The following CFAP57 variants were observed in gnomAD, a reference collection of about 807,000 sequenced individuals.
CFAP57 encodes the protein cilia and flagella associated protein 57, also known as cilia- and flagella-associated protein 57.
In CFAP57, 116 loss-of-function variants were observed where a neutral mutation model predicts 146.8. The observed-to-expected ratio is 0.79, with a 90% CI of 0.68 to 0.92. The LOEUF (loss-of-function observed/expected upper bound fraction) is 0.92, where lower values mean the gene tolerates loss of function less well. CFAP57 is among the 40% of genes least tolerant of loss of function. CFAP57 has a pLI of 0.00. For missense variants in CFAP57, 1,377 were observed against 1,527.2 expected (o/e 0.90, Z 1.64); for synonymous variants, 518 against 552.8 (o/e 0.94, Z 0.88).
chr1:43,199,371 T>C lies in CFAP57; in HGVS notation c.1429-19T>C. On this transcript the variant is annotated intron_variant, in intron 8 of 22. Coordinates refer to ENST00000372492, the MANE Select transcript of CFAP57 (RefSeq NM_001378189.1). Reference sequence around the variant, plus strand: ...GCTCACTTCCTGCTTGCTTGCTCTCTTGCTGTCTTTCCCTATAGTGTTCCT... The same window carrying C: ...GCTCACTTCCTGCTTGCTTGCTCTCCTGCTGTCTTTCCCTATAGTGTTCCT... The C allele has an allele frequency of 6.2e-7, 1 of 1,612,188 alleles. No individual in the cohort carries two copies. The highest frequency in any genetic ancestry group is 1.1e-5 in the South Asian group (1 of 91,038).
rs368812744 is a variant in CFAP57, at chr1:43,172,629, G to A, written c.-19-106G>A. 6.7e-6 allele frequency: 6 copies of A among 895,750 alleles called. No homozygotes were observed. The African/African-American group carries it at 1.1e-4, about 16-fold the overall frequency. 55.5% of individuals were successfully genotyped at this position (895,750 alleles called of 1,614,324 possible). ...AGGGACAAGGGGAGGAGAAAGGGGA[G>A]AGACAAGGGGAGGAGCAAAGGGCGG... On this transcript the variant is annotated intron_variant, in intron 1 of 22. Coordinates refer to ENST00000372492, the MANE Select transcript of CFAP57 (RefSeq NM_001378189.1).
At chr1:43,212,296 C>T (rs1644650345) in intron 11 of CFAP57, among the ~76,000 whole-genome samples, 1 of 152,200 alleles carries the variant, frequency 6.6e-6, no homozygotes, top group African/African-American at 2.4e-5. Flanking sequence ...CCACTCCTCC[C>T]GACTATCATC....
rs78760070 is a variant in CFAP57 at position 43,222,052 on chromosome 1, C to A, written c.2342-53C>A. 1.3e-3 allele frequency: 1,897 copies of A among 1,471,412 alleles called. 24 individuals are homozygous for A. In the African/African-American group the frequency reaches 0.024, roughly 19 times the overall value. 91.1% of individuals were successfully genotyped at this position (1,471,412 alleles called of 1,614,324 possible). On this transcript the variant is annotated intron_variant, in intron 14 of 22. Coordinates refer to ENST00000372492, the MANE Select transcript of CFAP57 (RefSeq NM_001378189.1). ...AGAGCGCCCAAGGCTCCTGGGTGTC[C>A]CTGAAGCAAGTGCTGCTCTCCCACC...
chr1:43,222,678 T>C, intron 15 of CFAP57, 146 bp from the exon 16 acceptor site: 1 of 916,916 alleles, frequency 1.1e-6, no homozygotes, highest in Non-Finnish European at 1.6e-6. Context: ...TCAAGGGCCC[T>C]GTGGCCATGG....
intron 22 of CFAP57, among the ~76,000 whole-genome samples, chr1:43,245,244 T>G (rs1245759234): frequency 6.6e-6 from 1 of 151,276 alleles, no homozygotes; most frequent in African/African-American, 2.4e-5. Context: ...ATTGATCACC[T>G]GAACCTCAGA....
intron 11 of CFAP57, among the ~76,000 whole-genome samples, chr1:43,212,476 C>A (rs1039880596): frequency 7.2e-5 from 11 of 152,246 alleles, no homozygotes; most frequent in African/African-American, 2.4e-4. Context: ...AGTCATAGAG[C>A]ATGTAATGAT....
chr1:43,251,250 G>C (rs1046000736), intron 22 of CFAP57, among the ~76,000 whole-genome samples: 2 of 152,236 alleles, frequency 1.3e-5, no homozygotes, highest in Non-Finnish European at 2.9e-5. Flanking sequence ...CAAGGAAGAA[G>C]GCTTTAATCA....
chr1:43,243,817 A>T (rs1342316504), intron 22 of CFAP57, among the ~76,000 whole-genome samples: 1 of 152,236 alleles, frequency 6.6e-6, no homozygotes, highest in African/African-American at 2.4e-5. Context: ...AAATGAAGAC[A>T]AAAAGCAAGA....
intron 11 of CFAP57, among the ~76,000 whole-genome samples, chr1:43,211,921 A>G (rs1644633095): frequency 6.6e-6 from 1 of 152,254 alleles, no homozygotes; most frequent in Admixed American, 6.5e-5. Context: ...CTAAATTCCT[A>G]GAGAGAGAAT....
chr1:43,214,567 C>T (rs952481428), intron 11 of CFAP57, among the ~76,000 whole-genome samples: 5 of 152,144 alleles, frequency 3.3e-5, no homozygotes, highest in Admixed American at 6.5e-5. Flanking sequence ...ATAAATAAAG[C>T]TGCTGTGACC....
In CFAP57 at chr1:43,199,375, T is replaced by C; in HGVS notation, c.1429-15T>C. 1 of 1,612,804 alleles carries C rather than the reference T, an allele frequency of 6.2e-7. No homozygotes were observed. Among genetic ancestry groups the C allele is most frequent in the Non-Finnish European group, 8.5e-7 (1 of 1,178,764 alleles). On this transcript the variant is annotated splice_polypyrimidine_tract_variant and intron_variant, in intron 8 of 22. Coordinates refer to ENST00000372492, the MANE Select transcript of CFAP57 (RefSeq NM_001378189.1). ...ACTTCCTGCTTGCTTGCTCTCTTGC[T>C]GTCTTTCCCTATAGTGTTCCTTTAG...
At position 43,241,133 on chromosome 1, in the gene CFAP57, C is replaced by T. The variant is rs116370217; in HGVS notation, c.3406-2094C>T. Among the ~76,000 whole-genome samples, 1,490 of 152,256 alleles carry T rather than the reference C, an allele frequency of 9.8e-3. 28 individuals carry two copies. Among genetic ancestry groups the T allele is most frequent in the African/African-American group, 0.033 (1,366 of 41,546 alleles). On this transcript the variant is annotated intron_variant, in intron 21 of 22. Transcript: ENST00000372492. The stretch of plus-strand genomic sequence containing the variant: ...ACAGGTGTGAGCCACCGTGCCCAGC[C>T]GAGGCCAGGTTCTTTTAAAACAACT...
chr1:43,185,240 G>A lies in CFAP57; in HGVS notation c.853G>A (p.Val285Met), dbSNP rs1188689458. 2.5e-6 allele frequency: 4 copies of A among 1,614,182 alleles called. No individual in the cohort carries two copies. Among genetic ancestry groups the A allele is most frequent in the South Asian group, 2.2e-5 (2 of 91,086 alleles). Reference protein sequence around the residue: ...SSHSQMSMPQVFAIAAYSKGF... With the variant: ...SSHSQMSMPQMFAIAAYSKGF... Reference sequence around the variant, plus strand: ...CCATAGCCAGATGTCCATGCCCCAGGTGTTTGCCATTGCAGCCTATTCAAA... The same window carrying A: ...CCATAGCCAGATGTCCATGCCCCAGATGTTTGCCATTGCAGCCTATTCAAA... The change falls in exon 5 of 23, where the codon GTG (valine) becomes ATG (methionine). Residue 285 changes from valine (V) to methionine (M), a missense_variant. Coordinates refer to ENST00000372492, the MANE Select transcript of CFAP57 (RefSeq NM_001378189.1).
At chr1:43,228,401 T>C (rs1227608792) in intron 18 of CFAP57, among the ~76,000 whole-genome samples, 1 of 127,652 alleles carries the variant, frequency 7.8e-6, no homozygotes, top group African/African-American at 3.2e-5. Flanking sequence ...AGGCTTCTGC[T>C]CCCTCCTCCA....
intron 2 of CFAP57, among the ~76,000 whole-genome samples, chr1:43,177,805 C>G (rs188364488): frequency 9.5e-4 from 145 of 152,330 alleles, no homozygotes; most frequent in Non-Finnish European, 1.5e-3. Flanking sequence ...GAATCTAATG[C>G]CGCCACTGAT....
intron 12 of CFAP57, among the ~76,000 whole-genome samples, chr1:43,216,606 C>T (rs1644841637): frequency 6.6e-6 from 1 of 152,136 alleles, no homozygotes. Context: ...CTGGAAATGA[C>T]TTGTGCATAT....
chr1:43,189,094 C>T (rs1643338388), intron 6 of CFAP57, among the ~76,000 whole-genome samples: 1 of 152,200 alleles, frequency 6.6e-6, no homozygotes, highest in African/African-American at 2.4e-5. Flanking sequence ...CAATTCTGTT[C>T]CATTGATCTG....
At chr1:43,225,127 G>A (rs879553788) in intron 17 of CFAP57, among the ~76,000 whole-genome samples, 2 of 152,060 alleles carry the variant, frequency 1.3e-5, no homozygotes, top group Non-Finnish European at 2.9e-5. Context: ...GATTCTCAAA[G>A]GGGGCTTTGA....
At position 43,222,123 on chromosome 1, in the gene CFAP57, A is replaced by G. The variant is rs1645068821; in HGVS notation, c.2360A>G (p.Lys787Arg). Residue 787 changes from lysine (K) to arginine (R), a missense_variant, in exon 15 of 23, where the codon AAG becomes AGG. Lys to Arg is a conservative substitution (Grantham distance 26). Coordinates refer to ENST00000372492, the MANE Select transcript of CFAP57 (RefSeq NM_001378189.1). ...LQDMECCNNQ[K>R]LLLEYEKYQE... ...TCTCCAGAATGTTGCAACAACCAAA[A>G]GTTGCTTCTAGAATATGAGAAGTAC... The G allele has an allele frequency of 6.5e-7, 1 of 1,547,598 alleles. No individual in the cohort carries two copies. The highest frequency in any genetic ancestry group is 8.7e-7 in the Non-Finnish European group (1 of 1,145,388).
Sources: allele counts gnomAD v4.1 joint callset (sites outside exome capture counted in the v4.1 genomes callset), GRCh38; gene constraint gnomAD v4.1.1; transcripts MANE v1.5; gene names NCBI Gene and HGNC (gene_info 2026-07-23, HGNC 2026-07-21).